PIK3AP1: variants seen among roughly 807,000 people sequenced by gnomAD.
PIK3AP1 encodes phosphoinositide-3-kinase adaptor protein 1.
Under a neutral mutation model 88.1 loss-of-function variants are expected in PIK3AP1, and 21 were observed. The observed-to-expected ratio is 0.24, with a 90% CI of 0.17 to 0.34. PIK3AP1 has a LOEUF of 0.34. PIK3AP1 is among the 10% of genes least tolerant of loss of function. The probability of loss-of-function intolerance (pLI) is 1.00; values close to 1 mark genes in which losing one functional copy is unlikely to be tolerated. For missense variants in PIK3AP1, 828 were observed against 1,035.7 expected, an observed-to-expected ratio of 0.80 and a Z score of 2.75; for synonymous variants, 398 against 400.0, an observed-to-expected ratio of 1.00 and a Z score of 0.06.
intron 7 of PIK3AP1, 51 bp downstream of exon 7, chr10:96,648,608 A>G: frequency 1.3e-6 from 2 of 1,537,842 alleles, no homozygotes; most frequent in Non-Finnish European, 1.7e-6. Flanking sequence ...GGGCAGCCAT[A>G]CTACCACAGA....
intron 2 of PIK3AP1, among the ~76,000 whole-genome samples, chr10:96,672,285 A>G (rs1021909520): frequency 3.9e-5 from 6 of 152,184 alleles, no homozygotes; most frequent in African/African-American, 1.2e-4. Context: ...TTCACTGCAC[A>G]TCGGTGAATT....
At chr10:96,665,480 T>A (rs1351653174) in intron 2 of PIK3AP1, among the ~76,000 whole-genome samples, 1 of 152,250 alleles carries the variant, frequency 6.6e-6, no homozygotes, top group Admixed American at 6.5e-5. Context: ...TGTTTAATTT[T>A]TAAGACTGCT....
chr10:96,610,001 T>C, intron 13 of PIK3AP1, 134 bp from the exon 14 acceptor site: 1 of 1,114,808 alleles, frequency 9.0e-7, no homozygotes, highest in Non-Finnish European at 1.3e-6. Flanking sequence ...GAAAAGACGA[T>C]GGGAGAGGGA....
At position 96,709,131 on chromosome 10, in the gene PIK3AP1, CA is replaced by C. The variant is rs113424134; in HGVS notation, c.430+435del. On this transcript the variant is annotated intron_variant, in intron 2 of 16. Coordinates refer to ENST00000339364, the MANE Select transcript of PIK3AP1 (RefSeq NM_152309.3). ...TGGGTGACAGAGGGAGACTCCGACT[CA>C]AAAAAAAAAAAAAAAAAACCCTTTT... 8.1e-3 allele frequency among the ~76,000 whole-genome samples: 648 copies of C among 79,598 alleles called. 3 individuals are homozygous for C. The highest frequency in any genetic ancestry group is 0.019 in the Middle Eastern group (3 of 154). 52.2% of individuals were successfully genotyped at this position (79,598 alleles called of 152,430 possible).
chr10:96,650,770 G>C (rs1198192913), intron 6 of PIK3AP1, among the ~76,000 whole-genome samples: 1 of 152,222 alleles, frequency 6.6e-6, no homozygotes, highest in Non-Finnish European at 1.5e-5. Flanking sequence ...ATGAGTCTAA[G>C]TGGCAAGAGA....
At chr10:96,597,262 C>CT (rs199532016) in intron 16 of PIK3AP1, among the ~76,000 whole-genome samples, 11 of 139,074 alleles carry the variant, frequency 7.9e-5, no homozygotes, top group Non-Finnish European at 1.7e-4. Flanking sequence ...TTTTTTCTTT[C>CT]TTTCTTTCTT....
chr10:96,665,896 C>T (rs1176979427), intron 2 of PIK3AP1, among the ~76,000 whole-genome samples: 2 of 152,090 alleles, frequency 1.3e-5, no homozygotes, highest in African/African-American at 2.4e-5. Flanking sequence ...ACAGGGGAGA[C>T]GGAGCAAGAC....
chr10:96,598,738 G>C lies in PIK3AP1; in HGVS notation c.2361-3104C>G, dbSNP rs1184895068. Among the ~76,000 whole-genome samples the C allele has an allele frequency of 5.9e-5, 9 of 152,206 alleles. No individual in the cohort carries two copies. The East Asian group carries it at 1.7e-3, about 29-fold the overall frequency. The stretch of plus-strand genomic sequence containing the variant: ...TTAGGGAGGGCTTCACAGAGGAGGT[G>C]ATGTTTGAACTGAGTCCTAAAGGAT... On this transcript the variant is annotated intron_variant, in intron 16 of 16. Transcript: ENST00000339364.
chr10:96,649,200 C>G (rs765588012), intron 6 of PIK3AP1, among the ~76,000 whole-genome samples: 2 of 152,118 alleles, frequency 1.3e-5, no homozygotes, highest in African/African-American at 4.8e-5. Flanking sequence ...CTGTGCATCA[C>G]GCCCAGCTAA....
intron 3 of PIK3AP1, among the ~76,000 whole-genome samples, chr10:96,656,559 C>A (rs1843617378): frequency 6.6e-6 from 1 of 152,232 alleles, no homozygotes. Flanking sequence ...TATTACTGAT[C>A]CATAGAACAG....
intron 2 of PIK3AP1, among the ~76,000 whole-genome samples, chr10:96,695,101 T>C (rs1482820494): frequency 2.0e-5 from 3 of 152,072 alleles, no homozygotes; most frequent in Non-Finnish European, 4.4e-5. Context: ...CAGAAAAAAA[T>C]CTATAACACA....
chr10:96,659,179 T>C (rs1162474398), intron 2 of PIK3AP1, among the ~76,000 whole-genome samples: 2 of 152,162 alleles, frequency 1.3e-5, no homozygotes, highest in African/African-American at 4.8e-5. Flanking sequence ...ATTATTAGAT[T>C]CCTGGACATA....
intron 8 of PIK3AP1, among the ~76,000 whole-genome samples, chr10:96,638,497 C>T (rs1054320488): frequency 6.7e-6 from 1 of 149,036 alleles, no homozygotes. Context: ...CACACACACA[C>T]GAATAGCAGT....
intron 13 of PIK3AP1, among the ~76,000 whole-genome samples, chr10:96,612,950 GTATATATATATATA>G (rs398046320): frequency 4.9e-4 from 29 of 59,698 alleles, no homozygotes; most frequent in African/African-American, 2.1e-3. Context: ...GTGTGTGTGT[GTATATATATATATA>G]TATATATATA....
At chr10:96,620,169 C>T (rs187731586) in intron 12 of PIK3AP1, among the ~76,000 whole-genome samples, 183 bp downstream of exon 12, 15 of 152,216 alleles carry the variant, frequency 9.9e-5, no homozygotes, top group Admixed American at 5.2e-4. Context: ...GCCAGGGAGC[C>T]ATGTGGTTAC....
Position 96,695,209 on chromosome 10 carries a change from TC to T in PIK3AP1, c.430+14357del, listed in dbSNP as rs1844204625. ...TAGAAAATAAAAGGAAAACCCTGGT[TC>T]AGAACAAGTTAACAGGTTGGTTCTG... On this transcript the variant is annotated intron_variant, in intron 2 of 16. Coordinates refer to ENST00000339364, the MANE Select transcript of PIK3AP1 (RefSeq NM_152309.3). 2.0e-5 allele frequency among the ~76,000 whole-genome samples: 3 copies of T among 152,204 alleles called. No homozygotes were observed. In the South Asian group the frequency reaches 6.2e-4, roughly 32 times the overall value.
In PIK3AP1 at chr10:96,594,583, A is replaced by C. The variant is rs959873886; in HGVS notation, c.*994T>G. The C allele has an allele frequency of 1.3e-5, 2 of 152,302 alleles. No homozygotes were observed. The highest frequency in any genetic ancestry group is 1.3e-4 in the Admixed American group (2 of 15,296). The allele number at this position is 152,302 out of a possible 1,614,324, so 9.4% of individuals were successfully genotyped here. ...TATTTTAGGTTTGTTTTTCCTCCTC[A>C]GAAGCCTCAACGAAGAAAAAGTCAA... On this transcript the variant is annotated 3_prime_UTR_variant, in exon 17 of 17. Transcript: ENST00000339364. This position sits in a 1 kb window ranked among gnomAD's most constrained non-coding sequence, Gnocchi z 4.6.
At chr10:96,673,703 G>A (rs964128347) in intron 2 of PIK3AP1, among the ~76,000 whole-genome samples, 1 of 152,158 alleles carries the variant, frequency 6.6e-6, no homozygotes, top group Non-Finnish European at 1.5e-5. Context: ...ATTTACTGGT[G>A]TGAGGACGGA....
At chr10:96,672,270 C>G (rs1843857779) in intron 2 of PIK3AP1, among the ~76,000 whole-genome samples, 1 of 152,150 alleles carries the variant, frequency 6.6e-6, no homozygotes, top group Non-Finnish European at 1.5e-5. Context: ...CTAAGGCTGC[C>G]TGATTTCACT....
Sources: allele counts gnomAD v4.1 joint callset (sites outside exome capture counted in the v4.1 genomes callset), GRCh38; gene constraint gnomAD v4.1.1; non-coding constraint Gnocchi (gnomAD v3.1); transcripts MANE v1.5; gene names NCBI Gene and HGNC (gene_info 2026-07-23, HGNC 2026-07-21).